Variants in NLGN1 observed in about 807,000 individuals in gnomAD.
The protein encoded by NLGN1 is neuroligin-1.
A neutral mutation model predicts 65.5 loss-of-function variants in NLGN1; 12 were observed. The observed-to-expected ratio is 0.18, with a 90% CI of 0.12 to 0.30. NLGN1 has a LOEUF of 0.30. NLGN1 is among the 10% of genes least tolerant of loss of function. The pLI is 1.00. For missense variants in NLGN1, 750 were observed against 1,007.1 expected (o/e 0.74, Z 3.46); for synonymous variants, 350 against 359.5 (o/e 0.97, Z 0.30).
chr3:174,032,275 A>G (rs1730178464), intron 4 of NLGN1, among the ~76,000 whole-genome samples: 1 of 152,198 alleles, frequency 6.6e-6, no homozygotes, highest in Admixed American at 6.5e-5. Flanking sequence ...ATGTGAAGGG[A>G]AATCTGTGAA....
At chr3:173,564,955 A>G (rs1004208918) in intron 2 of NLGN1, among the ~76,000 whole-genome samples, 1 of 152,152 alleles carries the variant, frequency 6.6e-6, no homozygotes, top group African/African-American at 2.4e-5. Context: ...ATATAGTGAT[A>G]AGCAAAACTC....
exon 7 of NLGN1, chr3:174,281,298 G>T (rs1751497606): frequency 1.3e-6 from 2 of 1,598,372 alleles, no homozygotes. Context: ...AACAACCAGG[G>T]TATAGCCAGA....
intron 3 of NLGN1, among the ~76,000 whole-genome samples, chr3:173,607,732 G>T (rs1751609753): frequency 6.6e-6 from 1 of 151,490 alleles, no homozygotes; most frequent in Non-Finnish European, 1.5e-5. Context: ...CATGTGGACT[G>T]TGAGATTTTC....
At chr3:174,100,270 C>T (rs1712103954) in intron 4 of NLGN1, among the ~76,000 whole-genome samples, 1 of 143,966 alleles carries the variant, frequency 6.9e-6, no homozygotes, top group Non-Finnish European at 1.5e-5. Flanking sequence ...CAATAAATAC[C>T]TATGGTAAAA....
At position 174,116,113 on chromosome 3, in the gene NLGN1, T is replaced by C. The variant is rs554623923; in HGVS notation, c.647-159202T>C. ...TCCCATAGCCTCCATGGAATTTGTT[T>C]AATACACTTTTATAAATACTGAAAT... On this transcript the variant is annotated intron_variant, in intron 4 of 6. Coordinates refer to ENST00000457714, the Ensembl canonical transcript of NLGN1. Among the ~76,000 whole-genome samples the C allele has an allele frequency of 2.0e-5, 3 of 152,220 alleles. No individual in the cohort carries two copies. In the South Asian group the frequency reaches 6.2e-4, roughly 32 times the overall value.
intron 4 of NLGN1, among the ~76,000 whole-genome samples, chr3:174,160,130 C>T (rs1726219614): frequency 6.6e-6 from 1 of 151,478 alleles, no homozygotes; most frequent in South Asian, 2.1e-4. Context: ...GCTCTATAAA[C>T]AGAAGCCATT....
chr3:173,745,874 A>G (rs1352869827), intron 3 of NLGN1, among the ~76,000 whole-genome samples: 2 of 152,102 alleles, frequency 1.3e-5, no homozygotes, highest in Non-Finnish European at 2.9e-5. Flanking sequence ...GATAACCATA[A>G]GTTAGAAACA....
At chr3:173,823,104 G>T (rs9867482) in intron 4 of NLGN1, among the ~76,000 whole-genome samples, 129,086 of 151,916 alleles carry the variant, frequency 0.85, 55,708 homozygotes, top group African/African-American at 0.93. Context: ...AAAGATATTC[G>T]CATATAATTT....
At chr3:174,103,845 A>G (rs1561049932) in intron 4 of NLGN1, among the ~76,000 whole-genome samples, 1 of 152,106 alleles carries the variant, frequency 6.6e-6, no homozygotes, top group Non-Finnish European at 1.5e-5. Context: ...TGGCCAGAGC[A>G]TATAAAATTT....
intron 4 of NLGN1, among the ~76,000 whole-genome samples, chr3:174,128,976 G>A (rs1024089051): frequency 2.1e-4 from 32 of 152,110 alleles, no homozygotes; most frequent in Admixed American, 1.6e-3. Flanking sequence ...GTCCTGTGGA[G>A]AGCAGAACGT....
chr3:173,578,060 C>A (rs1008714269), intron 2 of NLGN1, among the ~76,000 whole-genome samples: 5 of 151,968 alleles, frequency 3.3e-5, no homozygotes, highest in African/African-American at 1.2e-4. Flanking sequence ...CATTGTGAAA[C>A]CCTGCCTCTG....
chr3:173,842,723 C>T (rs1220575407), intron 4 of NLGN1, among the ~76,000 whole-genome samples: 1 of 152,210 alleles, frequency 6.6e-6, no homozygotes, highest in Non-Finnish European at 1.5e-5. Flanking sequence ...GCCCCTGTGA[C>T]TTTACAGGGT....
intron 3 of NLGN1, among the ~76,000 whole-genome samples, chr3:173,632,663 C>T (rs887914489): frequency 6.6e-6 from 1 of 152,052 alleles, no homozygotes; most frequent in African/African-American, 2.4e-5. Flanking sequence ...ATATTTGCAT[C>T]ACTTGAAAAT....
Position 174,172,219 on chromosome 3 carries a change from G to T in NLGN1, c.647-103096G>T, listed in dbSNP as rs142787180. Among the ~76,000 whole-genome samples the T allele has an allele frequency of 2.1e-3, 324 of 152,050 alleles. 1 individual carries two copies. The highest frequency in any genetic ancestry group is 7.3e-3 in the African/African-American group (305 of 41,502). On this transcript the variant is annotated intron_variant, in intron 4 of 6. Coordinates refer to ENST00000457714, the Ensembl canonical transcript of NLGN1. ...GGTTACATTAGATATTTTGATATAG[G>T]CGTGCAGTGCATAATAATCACATTG...
At chr3:174,047,229 A>G (rs1382003879) in intron 4 of NLGN1, among the ~76,000 whole-genome samples, 3 of 152,040 alleles carry the variant, frequency 2.0e-5, no homozygotes. Context: ...TTGCATTAAT[A>G]GTATATTTTT....
chr3:173,881,173 A>G lies in NLGN1; in HGVS notation c.646+73341A>G, dbSNP rs186549913. ...GAGTGCAGTGGTGCGATCTCAGCTC[A>G]CTGCAACTGCCGCCTCCTGGGTTCA... On this transcript the variant is annotated intron_variant, in intron 4 of 6. Coordinates refer to ENST00000457714, the Ensembl canonical transcript of NLGN1. Among the ~76,000 whole-genome samples the G allele has an allele frequency of 2.3e-3, 321 of 138,450 alleles. 2 individuals are homozygous for G. Among genetic ancestry groups the G allele is most frequent in the African/African-American group, 8.6e-3 (312 of 36,386 alleles). The allele number at this position is 138,450 out of a possible 152,430, so 90.8% of individuals were successfully genotyped here.
intron 1 of NLGN1, among the ~76,000 whole-genome samples, chr3:173,408,075 G>T (rs551123260): frequency 1.1e-4 from 16 of 151,796 alleles, no homozygotes; most frequent in African/African-American, 3.6e-4. Context: ...TATCATTTTT[G>T]TTTTTTTTGA....
intron 2 of NLGN1, among the ~76,000 whole-genome samples, chr3:173,536,689 T>C (rs1004234930): frequency 2.0e-5 from 3 of 152,238 alleles, no homozygotes; most frequent in African/African-American, 7.2e-5. Context: ...TAGCTAGCTG[T>C]CTTTTCATGA....
rs185264976 is a variant in NLGN1 at position 173,649,463 on chromosome 3, A to G, written c.493+44372A>G. Among the ~76,000 whole-genome samples, 318 of 152,270 alleles carry G rather than the reference A, an allele frequency of 2.1e-3. 1 individual carries two copies. Among genetic ancestry groups the G allele is most frequent in the South Asian group, 9.9e-3 (48 of 4,826 alleles). ...ACATATCAAATTACATATTTTAAAT[A>G]TGCGCAATTTTTTATGTGTCAATTA... On this transcript the variant is annotated intron_variant, in intron 3 of 6. Transcript: ENST00000457714.
Sources: gnomAD v4.1 joint callset for allele counts (sites outside exome capture counted in the v4.1 genomes callset) on GRCh38, gnomAD v4.1.1 for gene constraint, MANE v1.5 for transcripts, NCBI Gene and HGNC (gene_info 2026-07-23, HGNC 2026-07-21) for gene names.